The following DSCAM variants were observed in gnomAD, a reference collection of about 807,000 sequenced individuals.
The protein encoded by DSCAM is cell adhesion molecule DSCAM.
A neutral mutation model predicts 217.7 loss-of-function variants in DSCAM; 47 were observed. That is an observed-to-expected ratio of 0.22 (90% CI 0.17 to 0.28). The LOEUF (loss-of-function observed/expected upper bound fraction) is 0.28. Among genes scored for constraint, DSCAM ranks in the 10% least tolerant of loss-of-function variants. The probability of loss-of-function intolerance (pLI) is 1.00; values close to 1 mark genes in which losing one functional copy is unlikely to be tolerated. For missense variants in DSCAM, 2,080 were observed against 2,618.3 expected (o/e 0.79, Z 4.49); for synonymous variants, 1,056 against 1,015.3 (o/e 1.04, Z -0.76).
intron 3 of DSCAM, among the ~76,000 whole-genome samples, chr21:40,484,111 A>T (rs1031118782): frequency 6.6e-6 from 1 of 152,178 alleles, no homozygotes; most frequent in South Asian, 2.1e-4. Context: ...AAACTCATCT[A>T]ATCTTCAGCA....
chr21:40,070,847 C>T (rs1394223312), intron 27 of DSCAM, among the ~76,000 whole-genome samples: 1 of 152,222 alleles, frequency 6.6e-6, no homozygotes, highest in Non-Finnish European at 1.5e-5. Flanking sequence ...CAGATCCTCT[C>T]TGGGAACAGT....
At chr21:40,446,710 C>G (rs2075677916) in intron 3 of DSCAM, among the ~76,000 whole-genome samples, 1 of 152,170 alleles carries the variant, frequency 6.6e-6, no homozygotes, top group Non-Finnish European at 1.5e-5. Context: ...GCTCTCCCCT[C>G]AAAGGAAATA....
chr21:40,505,476 G>C (rs2076202928), intron 3 of DSCAM, among the ~76,000 whole-genome samples: 1 of 151,994 alleles, frequency 6.6e-6, no homozygotes, highest in African/African-American at 2.4e-5. Flanking sequence ...TAAATTCTAA[G>C]AAGAAGTCTA....
At position 40,128,603 on chromosome 21, in the gene DSCAM, A is replaced by G. The variant is rs577264421; in HGVS notation, c.3563-4275T>C. ...ATTGGAAGCCATGTGAGACTTTCCTATTGGTCCTGAAGAAGGAAGCTACCA... is the reference window on the plus strand; with the variant it reads ...ATTGGAAGCCATGTGAGACTTTCCTGTTGGTCCTGAAGAAGGAAGCTACCA... On this transcript the variant is annotated intron_variant, in intron 19 of 32. Coordinates refer to ENST00000400454, the MANE Select transcript of DSCAM (RefSeq NM_001389.5). Among the ~76,000 whole-genome samples, 199 of 150,496 alleles carry G rather than the reference A, an allele frequency of 1.3e-3. 1 individual carries two copies. Among genetic ancestry groups the G allele is most frequent in the African/African-American group, 4.7e-3 (192 of 40,976 alleles).
chr21:40,811,279 G>A (rs2091835955), intron 1 of DSCAM, among the ~76,000 whole-genome samples: 1 of 152,158 alleles, frequency 6.6e-6, no homozygotes, highest in African/African-American at 2.4e-5. Context: ...TTATATATTA[G>A]CCAGAACCCC....
At chr21:40,312,923 G>A (rs554101956) in intron 8 of DSCAM, among the ~76,000 whole-genome samples, 8 of 151,954 alleles carry the variant, frequency 5.3e-5, no homozygotes, top group Non-Finnish European at 1.2e-4. Context: ...GACTAGCCTG[G>A]GCAACATAAC....
intron 3 of DSCAM, among the ~76,000 whole-genome samples, chr21:40,494,966 T>C (rs961761890): frequency 6.6e-6 from 1 of 151,604 alleles, no homozygotes; most frequent in Non-Finnish European, 1.5e-5. Context: ...TGAACAGTTA[T>C]ACACCAACAA....
intron 3 of DSCAM, among the ~76,000 whole-genome samples, chr21:40,389,090 G>A (rs546569508): frequency 7.9e-5 from 12 of 152,210 alleles, no homozygotes; most frequent in African/African-American, 1.9e-4. Context: ...GAAATCCCCC[G>A]TGTTTTAAGA....
chr21:40,560,222 T>C lies in DSCAM; in HGVS notation c.508+132588A>G, dbSNP rs149379975. On this transcript the variant is annotated intron_variant, in intron 3 of 32. Transcript: ENST00000400454. ...AGGGAGACCATGCATGTTGTCTCAA[T>C]ACAAGGAAGGCTCTTCTGTTGCTCC... 4.5e-3 allele frequency among the ~76,000 whole-genome samples: 687 copies of C among 152,296 alleles called. 6 individuals carry two copies. The highest frequency in any genetic ancestry group is 0.016 in the African/African-American group (653 of 41,578).
chr21:40,348,184 T>C (rs79498548), intron 5 of DSCAM, among the ~76,000 whole-genome samples: 1 of 141,348 alleles, frequency 7.1e-6, no homozygotes, highest in African/African-American at 2.8e-5. Flanking sequence ...ACAGTTCCTA[T>C]CAGCCACATT....
chr21:40,290,595 T>C (rs1437626436), intron 10 of DSCAM, among the ~76,000 whole-genome samples: 4 of 152,194 alleles, frequency 2.6e-5, no homozygotes, highest in Non-Finnish European at 5.9e-5. Flanking sequence ...CACTCCAGCC[T>C]GGGCAACAGA....
At chr21:40,177,090 T>C (rs1250318544) in intron 15 of DSCAM, among the ~76,000 whole-genome samples, 1 of 152,196 alleles carries the variant, frequency 6.6e-6, no homozygotes, top group Non-Finnish European at 1.5e-5. Flanking sequence ...AAGTCAGAGA[T>C]GACATTTTGG....
intron 3 of DSCAM, among the ~76,000 whole-genome samples, chr21:40,523,426 G>C (rs1310629633): frequency 6.6e-6 from 1 of 152,154 alleles, no homozygotes. Context: ...ACTTCGGGAG[G>C]AATGCACCGG....
intron 3 of DSCAM, chr21:40,630,788 T>G (rs1051836548): frequency 1.3e-5 from 2 of 152,194 alleles, no homozygotes; most frequent in Non-Finnish European, 2.9e-5. Context: ...ACAAAAACGC[T>G]GGAGAGAGTC....
At chr21:40,498,787 A>G (rs1226870702) in intron 3 of DSCAM, among the ~76,000 whole-genome samples, 5 of 26,668 alleles carry the variant, frequency 1.9e-4, no homozygotes, top group South Asian at 1.0e-3. Context: ...GTGTGTATAT[A>G]TATATATATA....
intron 3 of DSCAM, among the ~76,000 whole-genome samples, chr21:40,555,368 C>T (rs1048476612): frequency 6.6e-6 from 1 of 152,174 alleles, no homozygotes; most frequent in Non-Finnish European, 1.5e-5. Context: ...GAAAAATAGT[C>T]ATTCCTCATT....
At chr21:40,803,189 A>G (rs2091757513) in intron 1 of DSCAM, among the ~76,000 whole-genome samples, 1 of 152,190 alleles carries the variant, frequency 6.6e-6, no homozygotes, top group Admixed American at 6.5e-5. Context: ...GAAATCTCAT[A>G]TGTTTTTCAA....
At chr21:40,367,665 G>A (rs746714403) in intron 4 of DSCAM, among the ~76,000 whole-genome samples, 74 of 152,202 alleles carry the variant, frequency 4.9e-4, no homozygotes, top group Non-Finnish European at 8.2e-4. Flanking sequence ...TCTCATATGA[G>A]CCTTTTTGTG....
chr21:40,295,431 A>G (rs757442048), intron 10 of DSCAM, among the ~76,000 whole-genome samples: 30 of 152,144 alleles, frequency 2.0e-4, no homozygotes, highest in Non-Finnish European at 3.2e-4. Context: ...TAATATCTAC[A>G]ATGTCACCTA....
Sources: gnomAD v4.1 joint callset for allele counts (sites outside exome capture counted in the v4.1 genomes callset) on GRCh38, gnomAD v4.1.1 for gene constraint, MANE v1.5 for transcripts, NCBI Gene and HGNC (gene_info 2026-07-23, HGNC 2026-07-21) for gene names.